Variants in FAM204A observed in about 807,000 individuals in gnomAD.
The protein encoded by FAM204A is family with sequence similarity 204 member A.
In FAM204A, 16 loss-of-function variants were observed where a neutral mutation model predicts 35.4. The ratio of observed to expected loss-of-function variants is 0.45; its 90% CI spans 0.31 to 0.69. The LOEUF (loss-of-function observed/expected upper bound fraction) is 0.69. Among genes scored for constraint, FAM204A ranks in the 30% least tolerant of loss-of-function variants. The pLI is 0.07. For synonymous variants in FAM204A, 76 were observed against 86.9 expected (o/e 0.88, Z 0.70); for missense variants, 240 against 265.7 (o/e 0.90, Z 0.67).
intron 7 of FAM204A, among the ~76,000 whole-genome samples, chr10:118,320,748 G>T (rs568334746): frequency 4.6e-5 from 7 of 151,786 alleles, no homozygotes; most frequent in Non-Finnish European, 8.8e-5. Flanking sequence ...CATGTGAAGT[G>T]ACTGAGACAT....
chr10:118,319,323 T>A (rs1846077428), intron 7 of FAM204A, among the ~76,000 whole-genome samples: 1 of 152,002 alleles, frequency 6.6e-6, no homozygotes, highest in Non-Finnish European at 1.5e-5. Context: ...TACAACTCAA[T>A]CAATTCAAAC....
chr10:118,314,021 C>T (rs1845992850), intron 7 of FAM204A, among the ~76,000 whole-genome samples: 2 of 152,132 alleles, frequency 1.3e-5, no homozygotes, highest in Non-Finnish European at 2.9e-5. Context: ...TTTAGTGCTC[C>T]AGCAATGCTA....
intron 6 of FAM204A, among the ~76,000 whole-genome samples, chr10:118,330,999 A>G (rs1018993094): frequency 6.6e-6 from 1 of 152,224 alleles, no homozygotes; most frequent in Non-Finnish European, 1.5e-5. Context: ...TTTTTAGAAT[A>G]TAGTAGTCAT....
At chr10:118,334,346 T>C (rs1846345045) in intron 6 of FAM204A, among the ~76,000 whole-genome samples, 1 of 152,158 alleles carries the variant, frequency 6.6e-6, no homozygotes, top group Non-Finnish European at 1.5e-5. Context: ...AAACCCTCCC[T>C]ATCACCTCGC....
In FAM204A at chr10:118,307,241, A is replaced by C. The variant is rs1442151704; in HGVS notation, c.*3616T>G. 6.6e-6 allele frequency: 1 copy of C among 152,212 alleles called. No individual in the cohort carries two copies. Among genetic ancestry groups the C allele is most frequent in the Non-Finnish European group, 1.5e-5 (1 of 68,046 alleles). The allele number at this position is 152,212 out of a possible 1,614,324, so 9.4% of individuals were successfully genotyped here. ...CATGCTAGAAGGCACTGATGTCACA[A>C]ATACCAGTCTACATTTGGTTCTGGA... On this transcript the variant is annotated 3_prime_UTR_variant, in exon 9 of 9. Transcript: ENST00000369183.
intron 2 of FAM204A, among the ~76,000 whole-genome samples, chr10:118,338,410 C>T (rs576610403): frequency 2.0e-5 from 3 of 152,154 alleles, no homozygotes; most frequent in Non-Finnish European, 2.9e-5. Flanking sequence ...ACTTGGCCAC[C>T]GCCATATAAT....
At position 118,304,134 on chromosome 10, in the gene FAM204A, G is replaced by A. The variant is rs1006525914; in HGVS notation, c.*6723C>T. The stretch of plus-strand genomic sequence containing the variant: ...ACAGCCACCTCTCCACCATTATCTT[G>A]CCTGACAGCTCAGCGGCATTTGTTC... On this transcript the variant is annotated 3_prime_UTR_variant, in exon 9 of 9. Coordinates refer to ENST00000369183, the MANE Select transcript of FAM204A (RefSeq NM_022063.3). The A allele has an allele frequency of 2.6e-5, 4 of 152,126 alleles. No homozygotes were observed. The highest frequency in any genetic ancestry group is 9.7e-5 in the African/African-American group (4 of 41,404). The allele number at this position is 152,126 out of a possible 1,614,324, so 9.4% of individuals were successfully genotyped here.
chr10:118,326,289 A>C (rs1400625260), intron 6 of FAM204A, 46 bp from the exon 7 acceptor site: 1 of 1,508,498 alleles, frequency 6.6e-7, no homozygotes, highest in Non-Finnish European at 9.2e-7. Context: ...AGGAAAGCAA[A>C]CATTTGCTAG....
intron 6 of FAM204A, among the ~76,000 whole-genome samples, chr10:118,332,892 A>G (rs1186349663): frequency 1.3e-5 from 2 of 152,248 alleles, no homozygotes. Context: ...TGAGACATTT[A>G]TAGTGAAATT....
chr10:118,334,087 A>C (rs703441), intron 6 of FAM204A, among the ~76,000 whole-genome samples: 145,414 of 152,236 alleles, frequency 0.96, 69,778 homozygotes, highest in East Asian at 1. Flanking sequence ...GTGAGTTACT[A>C]ATTCACACAA....
At chr10:118,328,076 C>T (rs776241097) in intron 6 of FAM204A, among the ~76,000 whole-genome samples, 2 of 152,174 alleles carry the variant, frequency 1.3e-5, no homozygotes, top group Non-Finnish European at 2.9e-5. Flanking sequence ...GCACACACTC[C>T]TTATCTCTTT....
intron 6 of FAM204A, among the ~76,000 whole-genome samples, chr10:118,330,998 T>C (rs1334487914): frequency 1.3e-5 from 2 of 152,230 alleles, no homozygotes; most frequent in African/African-American, 4.8e-5. Context: ...GTTTTTAGAA[T>C]ATAGTAGTCA....
rs1441125074 is a variant in FAM204A at position 118,310,911 on chromosome 10, A to G, written c.651-3T>C. On this transcript the variant is annotated splice_polypyrimidine_tract_variant and splice_region_variant and intron_variant, in intron 8 of 8. Transcript: ENST00000369183. ...CCCATCTCTTCTTTGCTTCAAACCT[A>G]AAAGGAAGAACATACAAATCTCAAT... 1.9e-6 allele frequency: 3 copies of G among 1,589,686 alleles called. No homozygotes were observed. Among genetic ancestry groups the G allele is most frequent in the South Asian group, 2.3e-5 (2 of 86,300 alleles).
Position 118,302,322 on chromosome 10 carries a change from GCCAT to G in FAM204A, c.*8531_*8534del, listed in dbSNP as rs1232636188. ...CCTTAACCTTGGAAAATCCTCTAGT[GCCAT>G]CCTGGCAGTTAAGGCCCTTGAGCAG... On this transcript the variant is annotated 3_prime_UTR_variant, in exon 9 of 9. Transcript: ENST00000369183. 1 of 152,212 alleles carries G rather than the reference GCCAT, an allele frequency of 6.6e-6. No homozygotes were observed. The highest frequency in any genetic ancestry group is 2.4e-5 in the African/African-American group (1 of 41,454). The allele number at this position is 152,212 out of a possible 1,614,324, so 9.4% of individuals were successfully genotyped here. A position where few individuals can be genotyped will look rare whatever the true frequency, so the allele number is the denominator to read the frequency against.
Position 118,303,539 on chromosome 10 carries a change from C to G in FAM204A, c.*7318G>C, listed in dbSNP as rs534176077. On this transcript the variant is annotated 3_prime_UTR_variant, in exon 9 of 9. Coordinates refer to ENST00000369183, the MANE Select transcript of FAM204A (RefSeq NM_022063.3). ...GGTTTAAAAGCCAGCTCCAGCCGGG[C>G]GCGGTGGCTCATGCCTGTAATCCCA... The G allele has an allele frequency of 1.3e-5, 2 of 152,458 alleles. No homozygotes were observed. The highest frequency in any genetic ancestry group is 4.8e-5 in the African/African-American group (2 of 41,438). 9.4% of individuals were successfully genotyped at this position (152,458 alleles called of 1,614,324 possible). A position where few individuals can be genotyped will look rare whatever the true frequency, so the allele number is the denominator to read the frequency against.
chr10:118,336,245 T>C lies in FAM204A; in HGVS notation c.171A>G (p.Glu57=). ...CATAGGCATTTACATTTGACTCTGT[T>C]TCAGTTTTTGGTTCATCTGTTGAGA... ...IDFSTDEPKT[E]TESNVNAYEE... Residue 57 remains glutamate (E), a synonymous_variant, in exon 3 of 9, where the codon GAA becomes GAG. Transcript: ENST00000369183. 1.2e-6 allele frequency: 2 copies of C among 1,613,902 alleles called. No homozygotes were observed. Among genetic ancestry groups the C allele is most frequent in the Non-Finnish European group, 1.7e-6 (2 of 1,179,808 alleles).
At chr10:118,312,868 T>C (rs910807520) in intron 7 of FAM204A, among the ~76,000 whole-genome samples, 3 of 152,222 alleles carry the variant, frequency 2.0e-5, no homozygotes, top group Non-Finnish European at 4.4e-5. Flanking sequence ...AGGTAGAGCA[T>C]TGAGTGAAAC....
At chr10:118,315,341 A>C (rs865991459) in intron 7 of FAM204A, among the ~76,000 whole-genome samples, 1 of 152,154 alleles carries the variant, frequency 6.6e-6, no homozygotes, top group Non-Finnish European at 1.5e-5. Context: ...TCTGATTCAA[A>C]CCGCTTAATC....
In FAM204A at chr10:118,327,552, C is replaced by A. The variant is rs114429394; in HGVS notation, c.454-1309G>T. Among the ~76,000 whole-genome samples, 327 of 152,294 alleles carry A rather than the reference C, an allele frequency of 2.1e-3. 1 individual carries two copies. Among genetic ancestry groups the A allele is most frequent in the African/African-American group, 7.6e-3 (317 of 41,568 alleles). On this transcript the variant is annotated intron_variant, in intron 6 of 8. Coordinates refer to ENST00000369183, the MANE Select transcript of FAM204A (RefSeq NM_022063.3). ...TCACCACTCATTCTTGTCCTGTGAT[C>A]ATCTACCAGTCTCCAGAAACATCCC... is the stretch of plus-strand genomic sequence containing the variant.
Sources: allele counts gnomAD v4.1 joint callset (sites outside exome capture counted in the v4.1 genomes callset), GRCh38; gene constraint gnomAD v4.1.1; transcripts MANE v1.5; gene names NCBI Gene and HGNC (gene_info 2026-07-23, HGNC 2026-07-21).